Variants in CRB1 observed in about 807,000 individuals in gnomAD.
CRB1 encodes the protein crumbs cell polarity complex component 1.
A neutral mutation model predicts 120.0 loss-of-function variants in CRB1; 83 were observed. The observed-to-expected ratio is 0.69, with a 90% confidence interval of 0.58 to 0.83. CRB1 has a LOEUF of 0.83. Among genes scored for constraint, CRB1 ranks in the 40% least tolerant of loss-of-function variants. The pLI is 0.00. For synonymous variants in CRB1, 625 were observed against 612.5 expected, an observed-to-expected ratio of 1.02 and a Z score of -0.30; for missense variants, 1,699 against 1,687.6, an observed-to-expected ratio of 1.01 and a Z score of -0.12.
chr1:197,248,326 G>A, the CRB1 span, among the ~76,000 whole-genome samples: 3 of 151,970 alleles, frequency 2.0e-5, no homozygotes, highest in African/African-American at 7.2e-5. Flanking sequence ...CTAAGGCTCT[G>A]GAGTCCGACG....
upstream of CRB1, among the ~76,000 whole-genome samples, chr1:197,264,896 ATTAC>A (rs1309581776): frequency 6.6e-6 from 1 of 151,782 alleles, no homozygotes; most frequent in Non-Finnish European, 1.5e-5. Context: ...GAGTGCTGGG[ATTAC>A]AGACGTGAGC....
the CRB1 span, among the ~76,000 whole-genome samples, chr1:197,245,437 C>T: frequency 6.6e-6 from 1 of 151,984 alleles, no homozygotes; most frequent in Non-Finnish European, 1.5e-5. Flanking sequence ...TTTGTGGTGG[C>T]AGTATACTAT....
intron 11 of CRB1, among the ~76,000 whole-genome samples, chr1:197,451,730 C>T (rs1299946766): frequency 6.6e-6 from 1 of 152,108 alleles, no homozygotes; most frequent in African/African-American, 2.4e-5. Context: ...GGCATATAGC[C>T]AGACAATAGC....
intron 2 of CRB1, among the ~76,000 whole-genome samples, chr1:197,335,999 T>C (rs1351058264): frequency 6.6e-6 from 1 of 152,236 alleles, no homozygotes; most frequent in Admixed American, 6.5e-5. Flanking sequence ...AAGAATGCAG[T>C]CTTTCTTAGT....
At chr1:197,452,994 G>A (rs556424984) in intron 11 of CRB1, among the ~76,000 whole-genome samples, 1 of 151,926 alleles carries the variant, frequency 6.6e-6, no homozygotes, top group Non-Finnish European at 1.5e-5. Context: ...CATGTTCAGC[G>A]AAGGATAAAT....
intron 4 of CRB1, among the ~76,000 whole-genome samples, chr1:197,353,865 A>G (rs1487430207): frequency 6.7e-6 from 1 of 150,312 alleles, no homozygotes; most frequent in Non-Finnish European, 1.5e-5. Flanking sequence ...ACCACGTTAC[A>G]AAACACTTGA....
chr1:197,450,944 C>T (rs568567077), intron 11 of CRB1, among the ~76,000 whole-genome samples: 7 of 114,160 alleles, frequency 6.1e-5, no homozygotes, highest in East Asian at 5.0e-4. Context: ...TGGAAGACAG[C>T]GAGACTCCGT....
At chr1:197,433,220 T>C (rs913922252) in intron 8 of CRB1, among the ~76,000 whole-genome samples, 14 of 152,158 alleles carry the variant, frequency 9.2e-5, no homozygotes, top group African/African-American at 3.1e-4. Flanking sequence ...ATGTTTAGAA[T>C]TTAGGATTTC....
intron 2 of CRB1, among the ~76,000 whole-genome samples, chr1:197,343,160 C>A (rs1032196532): frequency 6.6e-6 from 1 of 152,124 alleles, no homozygotes; most frequent in Non-Finnish European, 1.5e-5. Flanking sequence ...GAATATCCTG[C>A]TGCATTTTCT....
At chr1:197,451,038 A>G (rs891885325) in intron 11 of CRB1, among the ~76,000 whole-genome samples, 2 of 152,024 alleles carry the variant, frequency 1.3e-5, no homozygotes, top group African/African-American at 4.8e-5. Flanking sequence ...TCAAGTCAGC[A>G]TAAGAGGAAG....
the CRB1 span, among the ~76,000 whole-genome samples, chr1:197,206,993 C>A: frequency 6.6e-6 from 1 of 152,022 alleles, no homozygotes; most frequent in African/African-American, 2.4e-5. Context: ...TATAATTTCC[C>A]TCTTTGTCTT....
At chr1:197,301,301 G>A (rs1397274019) in intron 1 of CRB1, among the ~76,000 whole-genome samples, 1 of 152,008 alleles carries the variant, frequency 6.6e-6, no homozygotes, top group Non-Finnish European at 1.5e-5. Flanking sequence ...GAGTAGCTGG[G>A]ATTACAGGCA....
In CRB1 at chr1:197,428,063, G is replaced by A; in HGVS notation, c.2676+62G>A. On this transcript the variant is annotated intron_variant, in intron 7 of 11. Transcript: ENST00000367400. ...TGCTAAACTTTTACTTTATTAAAAA[G>A]ATAACTTATTAAAACCATTCTTTGT... 2.0e-6 allele frequency: 3 copies of A among 1,467,270 alleles called. No homozygotes were observed. In the South Asian group the frequency reaches 3.5e-5, roughly 17 times the overall value. 90.9% of individuals were successfully genotyped at this position (1,467,270 alleles called of 1,614,324 possible).
At chr1:197,260,494 C>A in the CRB1 span, among the ~76,000 whole-genome samples, 1 of 151,540 alleles carries the variant, frequency 6.6e-6, no homozygotes, top group Non-Finnish European at 1.5e-5. Flanking sequence ...ATGGGAACCC[C>A]TGTGTTAGTA....
chr1:197,281,950 G>A (rs903508417), intron 1 of CRB1, among the ~76,000 whole-genome samples: 9 of 150,960 alleles, frequency 6.0e-5, no homozygotes, highest in African/African-American at 2.2e-4. Flanking sequence ...CCAGTTAGAA[G>A]ATAAAGAGTA....
At chr1:197,465,361 A>T (rs1200616917) in intron 11 of CRB1, among the ~76,000 whole-genome samples, 2 of 152,170 alleles carry the variant, frequency 1.3e-5, no homozygotes, top group Admixed American at 1.3e-4. Flanking sequence ...CTGTTAGTAA[A>T]GTCATACATA....
intron 5 of CRB1, among the ~76,000 whole-genome samples, chr1:197,380,112 C>T (rs1661872663): frequency 6.6e-6 from 1 of 152,086 alleles, no homozygotes; most frequent in South Asian, 2.1e-4. Flanking sequence ...TACTTAACAC[C>T]TCGGTTCTGC....
chr1:197,418,739 C>T (rs1322186852), intron 5 of CRB1, among the ~76,000 whole-genome samples: 1 of 152,070 alleles, frequency 6.6e-6, no homozygotes, highest in Non-Finnish European at 1.5e-5. Flanking sequence ...TTCATTCATT[C>T]CAAAATTAAT....
intron 11 of CRB1, chr1:197,444,169 G>C (rs1361926663): frequency 1.3e-5 from 2 of 152,166 alleles, no homozygotes; most frequent in Admixed American, 6.5e-5. Flanking sequence ...CCTTGTTATA[G>C]AGTACATGTA....
Sources: gnomAD v4.1 joint callset for allele counts (sites outside exome capture counted in the v4.1 genomes callset) on GRCh38, gnomAD v4.1.1 for gene constraint, MANE v1.5 for transcripts, NCBI Gene and HGNC (gene_info 2026-07-23, HGNC 2026-07-21) for gene names.